Variants in PHACTR4 observed in about 807,000 individuals in gnomAD.
PHACTR4 encodes the protein protein phosphatase 1, regulatory subunit 124.
In PHACTR4, 51 loss-of-function variants were observed where a neutral mutation model predicts 72.7. That is an observed-to-expected ratio of 0.70 (90% CI 0.56 to 0.89). The LOEUF (loss-of-function observed/expected upper bound fraction) is 0.89. Ranked by LOEUF, PHACTR4 falls within the 40% of genes least tolerant of loss-of-function variation. The probability of loss-of-function intolerance (pLI) is 0.00; values close to 1 mark genes in which losing one functional copy is unlikely to be tolerated. For missense variants in PHACTR4, 731 were observed against 861.8 expected, an observed-to-expected ratio of 0.85 and a Z score of 1.90; for synonymous variants, 255 against 302.5, an observed-to-expected ratio of 0.84 and a Z score of 1.63.
intron 1 of PHACTR4, among the ~76,000 whole-genome samples, chr1:28,387,684 T>C (rs10443282): frequency 0.38 from 57,809 of 151,778 alleles, 12,566 homozygotes; most frequent in African/African-American, 0.59. Flanking sequence ...GCTAGGAGTT[T>C]GAGACCAGCC....
At chr1:28,379,676 G>A (rs1295711063) in intron 1 of PHACTR4, among the ~76,000 whole-genome samples, 5 of 149,358 alleles carry the variant, frequency 3.3e-5, no homozygotes, top group Non-Finnish European at 3.0e-5. Flanking sequence ...TGCCAGCTCC[G>A]CCTCCCGGGT....
chr1:28,472,898 T>C (rs1173376421), intron 6 of PHACTR4, among the ~76,000 whole-genome samples: 1 of 146,050 alleles, frequency 6.8e-6, no homozygotes, highest in Non-Finnish European at 1.5e-5. Flanking sequence ...ATTACAGGTG[T>C]GAGCCACCGT....
intron 13 of PHACTR4, among the ~76,000 whole-genome samples, chr1:28,495,608 T>A (rs1011643079): frequency 3.5e-5 from 5 of 144,442 alleles, no homozygotes; most frequent in Admixed American, 6.7e-5. Flanking sequence ...TATTTTTATT[T>A]ATTTATTTTT....
chr1:28,477,231 G>A (rs189175578), intron 8 of PHACTR4, among the ~76,000 whole-genome samples: 5 of 151,812 alleles, frequency 3.3e-5, no homozygotes, highest in East Asian at 1.9e-4. Flanking sequence ...GATTACAGGC[G>A]TCTGCCACTA....
chr1:28,476,723 G>GT lies in PHACTR4; in HGVS notation c.1606+438dup, dbSNP rs1430871159. Among the ~76,000 whole-genome samples, 10 of 141,358 alleles carry GT rather than the reference G, an allele frequency of 7.1e-5. No homozygotes were observed. The East Asian group carries it at 1.8e-3, about 25-fold the overall frequency. The allele number at this position is 141,358 out of a possible 152,430, so 92.7% of individuals were successfully genotyped here. A position where few individuals can be genotyped will look rare whatever the true frequency, so the allele number is the denominator to read the frequency against. On this transcript the variant is annotated intron_variant, in intron 8 of 13. Transcript: ENST00000373839. The stretch of plus-strand genomic sequence containing the variant: ...TTAGGTTTCTTTGATTTTTTGTTTT[G>GT]TTTTTTGTTTTTGTAGAGACAGGGT...
At chr1:28,432,776 T>C (rs1035490040) in intron 2 of PHACTR4, among the ~76,000 whole-genome samples, 2 of 152,228 alleles carry the variant, frequency 1.3e-5, no homozygotes, top group African/African-American at 4.8e-5. Flanking sequence ...AGGGTCTCAC[T>C]ATCATCCAGG....
Position 28,453,410 on chromosome 1 carries a change from G to A in PHACTR4, c.17-5675G>A, listed in dbSNP as rs534501845. On this transcript the variant is annotated intron_variant, in intron 2 of 13. Coordinates refer to ENST00000373839, the MANE Select transcript of PHACTR4 (RefSeq NM_001048183.3). ...GACATTATAAGAAAAAGTTGAAAAC[G>A]AAAAAAAGAGAAAACACAAGGAAAA... is the stretch of plus-strand genomic sequence containing the variant. 7.1e-4 allele frequency: 181 copies of A among 253,646 alleles called. 1 individual carries two copies. The highest frequency in any genetic ancestry group is 3.0e-3 in the Admixed American group (58 of 19,468). 15.7% of individuals were successfully genotyped at this position (253,646 alleles called of 1,614,324 possible).
At position 28,473,565 on chromosome 1, in the gene PHACTR4, C is replaced by G; in HGVS notation, c.835C>G (p.Gln279Glu). ...TCTCTCTTTTCCAGCTGAACTGTCC[C>G]AAGCAATAAACAGTGGTACATTGTT... The part of the protein sequence containing the change: ...NSNPVIAELS[Q>E]AINSGTLLSK... The change falls in exon 7 of 14, where the codon CAA (glutamine) becomes GAA (glutamate). Residue 279 changes from glutamine to glutamate, a missense_variant. Coordinates refer to ENST00000373839, the MANE Select transcript of PHACTR4 (RefSeq NM_001048183.3). The G allele has an allele frequency of 6.2e-7, 1 of 1,607,812 alleles. No individual in the cohort carries two copies. Among genetic ancestry groups the G allele is most frequent in the South Asian group, 1.1e-5 (1 of 90,776 alleles).
At chr1:28,390,411 A>G (rs549201731) in intron 1 of PHACTR4, among the ~76,000 whole-genome samples, 2 of 152,368 alleles carry the variant, frequency 1.3e-5, no homozygotes, top group South Asian at 4.1e-4. Flanking sequence ...GGCTGTGGCT[A>G]CCATTAGCAA....
In PHACTR4 at chr1:28,376,644, A is replaced by AT. The variant is rs1346644268; in HGVS notation, c.-39+6829dup. Among the ~76,000 whole-genome samples, 126 of 147,026 alleles carry AT rather than the reference A, an allele frequency of 8.6e-4. 3 individuals are homozygous for AT. The highest frequency in any genetic ancestry group is 3.6e-3 in the Middle Eastern group (1 of 278). On this transcript the variant is annotated intron_variant, in intron 1 of 13. Transcript: ENST00000373839. ...GCGCTGGGCCTATGTAGACCTTTTA[A>AT]TTTTTTTTTTGAGACGGAGTCTTGC...
In PHACTR4 at chr1:28,474,040, G is replaced by A; in HGVS notation, c.1310G>A (p.Gly437Asp). ...CTTCCCATGACTCCTATTCTGGAGGGTTCTCACAGAGCTCATTCGTTGCTT... is the reference window on the plus strand; with the variant it reads ...CTTCCCATGACTCCTATTCTGGAGGATTCTCACAGAGCTCATTCGTTGCTT... Reference protein sequence around the residue: ...SPLPMTPILEGSHRAHSLLFE... With the variant: ...SPLPMTPILEDSHRAHSLLFE... Residue 437 changes from glycine (G) to aspartate (D), a missense_variant, in exon 7 of 14, where the codon GGT becomes GAT. Physicochemically the swap from Gly to Asp is moderately conservative, Grantham distance 94. Around this residue, in one of 2 missense-constraint regions of PHACTR4, gnomAD observed 621 missense variants for 676.6 expected, o/e 0.92. Coordinates refer to ENST00000373839, the MANE Select transcript of PHACTR4 (RefSeq NM_001048183.3). The A allele has an allele frequency of 1.2e-6, 2 of 1,614,166 alleles. No homozygotes were observed. Among genetic ancestry groups the A allele is most frequent in the Middle Eastern group, 1.6e-4 (1 of 6,062 alleles).
At chr1:28,371,702 A>G (rs1056829038) in intron 1 of PHACTR4, among the ~76,000 whole-genome samples, 2 of 151,818 alleles carry the variant, frequency 1.3e-5, no homozygotes, top group African/African-American at 4.8e-5. Flanking sequence ...CCTGGGCTCA[A>G]GCCTCTGCCT....
chr1:28,395,766 AGCTG>A (rs1282882937), intron 1 of PHACTR4, among the ~76,000 whole-genome samples: 1 of 144,568 alleles, frequency 6.9e-6, no homozygotes, highest in African/African-American at 2.6e-5. Context: ...CCTCCCGAGT[AGCTG>A]GGACTACAGG....
At chr1:28,456,302 CTT>C (rs973588651) in intron 2 of PHACTR4, among the ~76,000 whole-genome samples, 2 of 152,150 alleles carry the variant, frequency 1.3e-5, no homozygotes, top group Non-Finnish European at 2.9e-5. Context: ...ATGCCACATA[CTT>C]TTAAACGACC....
At chr1:28,454,043 T>C (rs1406294776) in intron 2 of PHACTR4, 2 of 294,978 alleles carry the variant, frequency 6.8e-6, no homozygotes, top group Non-Finnish European at 1.3e-5. Flanking sequence ...TAGCAAGACC[T>C]TGTCTCTATT....
At chr1:28,403,191 C>T (rs574702658) in intron 1 of PHACTR4, among the ~76,000 whole-genome samples, 7 of 152,228 alleles carry the variant, frequency 4.6e-5, no homozygotes, top group East Asian at 1.9e-4. Flanking sequence ...GATCAACACC[C>T]GTAGAAGGGA....
At position 28,378,571 on chromosome 1, in the gene PHACTR4, C is replaced by A. The variant is rs887593170; in HGVS notation, c.-39+8746C>A. On this transcript the variant is annotated intron_variant, in intron 1 of 13. Transcript: ENST00000373839. ...TTCTTTCTTTCTTTCTCCCCCCAGCCCCCCCCCCCTTTTTTTTTAACAACC... is the reference window on the plus strand; with the variant it reads ...TTCTTTCTTTCTTTCTCCCCCCAGCACCCCCCCCCTTTTTTTTTAACAACC... 6.4e-4 allele frequency among the ~76,000 whole-genome samples: 52 copies of A among 81,348 alleles called. 1 individual carries two copies. The highest frequency in any genetic ancestry group is 1.9e-3 in the African/African-American group (48 of 24,898). 53.4% of individuals were successfully genotyped at this position (81,348 alleles called of 152,430 possible). A position where few individuals can be genotyped will look rare whatever the true frequency, so the allele number is the denominator to read the frequency against.
At chr1:28,409,501 A>C (rs1168052664) in intron 2 of PHACTR4, among the ~76,000 whole-genome samples, 4 of 152,170 alleles carry the variant, frequency 2.6e-5, no homozygotes, top group Non-Finnish European at 4.4e-5. Context: ...AATACACATT[A>C]GCAAAAAAGA....
chr1:28,447,589 G>A, intron 2 of PHACTR4, among the ~76,000 whole-genome samples: 1 of 151,392 alleles, frequency 6.6e-6, no homozygotes, highest in East Asian at 1.9e-4. Flanking sequence ...AGTAAACTTT[G>A]GAAAGTTTGA....
Sources: allele counts gnomAD v4.1 joint callset (sites outside exome capture counted in the v4.1 genomes callset), GRCh38; gene constraint gnomAD v4.1.1; regional missense constraint gnomAD v4.1.1; transcripts MANE v1.5; gene names NCBI Gene and HGNC (gene_info 2026-07-23, HGNC 2026-07-21).